The following RBFOX1 variants were observed in gnomAD, a reference collection of about 807,000 sequenced individuals.
The protein encoded by RBFOX1 is RNA binding protein fox-1 homolog 1.
In RBFOX1, 8 loss-of-function variants were observed where a neutral mutation model predicts 57.7. The ratio of observed to expected loss-of-function variants is 0.14; its 90% CI spans 0.08 to 0.25. RBFOX1 has a LOEUF of 0.25. RBFOX1 is among the 10% of genes least tolerant of loss of function. The probability of loss-of-function intolerance (pLI) is 1.00; values close to 1 mark genes in which losing one functional copy is unlikely to be tolerated. For synonymous variants in RBFOX1, 326 were observed against 222.4 expected (o/e 1.47, Z -4.15); for missense variants, 611 against 548.5 (o/e 1.11, Z -1.14).
At chr16:5,824,062 T>C (rs2151811034) in intron 3 of RBFOX1, among the ~76,000 whole-genome samples, 1 of 152,282 alleles carries the variant, frequency 6.6e-6, no homozygotes, top group Middle Eastern at 3.4e-3. Flanking sequence ...AATCAAGATA[T>C]TGTGACTTAC....
intron 1 of RBFOX1, among the ~76,000 whole-genome samples, chr16:6,163,931 A>T (rs1005024289): frequency 1.3e-5 from 2 of 152,212 alleles, no homozygotes; most frequent in African/African-American, 4.8e-5. Flanking sequence ...TTTGAGGTTT[A>T]CAATGTGATG....
At chr16:6,177,081 T>C (rs937261350) in intron 1 of RBFOX1, among the ~76,000 whole-genome samples, 22 of 152,174 alleles carry the variant, frequency 1.4e-4, no homozygotes, top group Non-Finnish European at 2.9e-4. Context: ...TTTAAAAAAC[T>C]GAGGAATACC....
At chr16:6,694,043 C>T (rs540730707) in intron 3 of RBFOX1, among the ~76,000 whole-genome samples, 1 of 152,302 alleles carries the variant, frequency 6.6e-6, no homozygotes, top group African/African-American at 2.4e-5. Context: ...ATGTGTTTGT[C>T]ATATGTCACT....
chr16:6,749,752 A>ATAAC (rs1568453920), intron 3 of RBFOX1, among the ~76,000 whole-genome samples: 9 of 152,200 alleles, frequency 5.9e-5, no homozygotes, highest in African/African-American at 2.2e-4. Context: ...GCGACTTGGA[A>ATAAC]AGTTTTTCAG....
chr16:6,068,087 C>G (rs1290838228), intron 1 of RBFOX1, among the ~76,000 whole-genome samples: 3 of 124,098 alleles, frequency 2.4e-5, no homozygotes, highest in Non-Finnish European at 3.5e-5. Context: ...TGATATTAGG[C>G]TCTTCATTCA....
chr16:6,002,403 C>G (rs2060617552), intron 4 of RBFOX1, among the ~76,000 whole-genome samples: 1 of 152,222 alleles, frequency 6.6e-6, no homozygotes, highest in South Asian at 2.1e-4. Context: ...AGTAGCAGCT[C>G]TGGCTGTGCG....
intron 3 of RBFOX1, among the ~76,000 whole-genome samples, chr16:6,662,232 A>C (rs1034602144): frequency 6.6e-6 from 1 of 152,180 alleles, no homozygotes; most frequent in Non-Finnish European, 1.5e-5. Context: ...TGAGAGTTTA[A>C]TTAATGTGTT....
In RBFOX1 at chr16:6,644,113, G is replaced by A. The variant is rs147597818; in HGVS notation, c.-63-10490G>A. ...TGCACTCCAACCTGGGCAACAGAGCGAGACTCCATCTCAATAATAATAGTG... is the reference window on the plus strand; with the variant it reads ...TGCACTCCAACCTGGGCAACAGAGCAAGACTCCATCTCAATAATAATAGTG... On this transcript the variant is annotated intron_variant, in intron 2 of 15. Coordinates refer to ENST00000550418, the MANE Select transcript of RBFOX1 (RefSeq NM_018723.4). Among the ~76,000 whole-genome samples, 140 of 152,254 alleles carry A rather than the reference G, an allele frequency of 9.2e-4. 1 individual carries two copies. Among genetic ancestry groups the A allele is most frequent in the Admixed American group, 1.7e-3 (26 of 15,292 alleles).
chr16:6,656,107 G>C (rs914614603), intron 3 of RBFOX1, among the ~76,000 whole-genome samples: 3 of 152,152 alleles, frequency 2.0e-5, no homozygotes, highest in African/African-American at 2.4e-5. Flanking sequence ...ATGCATGTGT[G>C]CATTTAGTGA....
chr16:7,561,081 C>G (rs986029061), intron 5 of RBFOX1, among the ~76,000 whole-genome samples: 1 of 152,136 alleles, frequency 6.6e-6, no homozygotes, highest in Non-Finnish European at 1.5e-5. Flanking sequence ...AGCAAATGTT[C>G]TTTATACAAG....
chr16:7,467,674 G>C (rs2060775133), intron 4 of RBFOX1, among the ~76,000 whole-genome samples: 1 of 152,188 alleles, frequency 6.6e-6, no homozygotes, highest in African/African-American at 2.4e-5. Flanking sequence ...AAATAAGATT[G>C]TATACCTACA....
chr16:6,757,877 C>T (rs1006750754), intron 3 of RBFOX1, among the ~76,000 whole-genome samples: 4 of 152,130 alleles, frequency 2.6e-5, no homozygotes, highest in African/African-American at 9.7e-5. Context: ...ACATTGTGTG[C>T]ATGTATCAAA....
chr16:7,568,040 A>T (rs1424141712), intron 5 of RBFOX1, among the ~76,000 whole-genome samples: 1 of 152,182 alleles, frequency 6.6e-6, no homozygotes, highest in East Asian at 1.9e-4. Context: ...ACTCAATAAT[A>T]TTCCTCATTT....
intron 3 of RBFOX1, among the ~76,000 whole-genome samples, chr16:5,853,868 C>T (rs1479294316): frequency 6.6e-6 from 1 of 152,162 alleles, no homozygotes; most frequent in Non-Finnish European, 1.5e-5. Context: ...CAATTGTCCC[C>T]CTCCACCCGG....
chr16:7,099,857 G>T (rs941522320), intron 4 of RBFOX1, among the ~76,000 whole-genome samples: 3 of 152,060 alleles, frequency 2.0e-5, no homozygotes, highest in Admixed American at 1.3e-4. Flanking sequence ...TTTATCGTGC[G>T]GTTACAGCCT....
chr16:6,676,415 A>G (rs62015865), intron 3 of RBFOX1, among the ~76,000 whole-genome samples: 51,664 of 151,838 alleles, frequency 0.34, 10,346 homozygotes, highest in South Asian at 0.52. Flanking sequence ...TCAACTCTCA[A>G]TAGTAAATAA....
At chr16:6,352,578 AAAAC>A (rs1567998149) in intron 2 of RBFOX1, among the ~76,000 whole-genome samples, 2 of 152,216 alleles carry the variant, frequency 1.3e-5, no homozygotes, top group South Asian at 2.1e-4. Context: ...GCAAAACAAA[AAAAC>A]AAACAAACAA....
chr16:6,318,743 C>A (rs2081402224), intron 2 of RBFOX1, among the ~76,000 whole-genome samples: 1 of 152,008 alleles, frequency 6.6e-6, no homozygotes, highest in Admixed American at 6.6e-5. Flanking sequence ...TCTACAACTG[C>A]CATCTAAAGA....
chr16:6,779,552 T>C (rs28863217), intron 3 of RBFOX1, among the ~76,000 whole-genome samples: 111,227 of 149,592 alleles, frequency 0.74, 42,605 homozygotes, highest in East Asian at 0.92. Context: ...ACTGCTAAAT[T>C]ATGTTAGTGT....
Sources: gnomAD v4.1 joint callset for allele counts (sites outside exome capture counted in the v4.1 genomes callset) on GRCh38, gnomAD v4.1.1 for gene constraint, MANE v1.5 for transcripts, NCBI Gene and HGNC (gene_info 2026-07-23, HGNC 2026-07-21) for gene names.